DLGAP2: variants seen among roughly 807,000 people sequenced by gnomAD.
DLGAP2 encodes the protein DLG associated protein 2, also known as disks large-associated protein 2.
In DLGAP2, 26 loss-of-function variants were observed where a neutral mutation model predicts 100.3. That is an observed-to-expected ratio of 0.26 (90% CI 0.19 to 0.36). The LOEUF is 0.36. Among genes scored for constraint, DLGAP2 ranks in the 10% least tolerant of loss-of-function variants. DLGAP2 has a pLI of 1.00. For synonymous variants in DLGAP2, 886 were observed against 630.1 expected, an observed-to-expected ratio of 1.41 and a Z score of -6.08; for missense variants, 1,858 against 1,453.2, an observed-to-expected ratio of 1.28 and a Z score of -4.53.
rs139358313 is a variant in DLGAP2, at chr8:1,277,169, G to C, written c.106+18286G>C. Reference sequence around the variant, plus strand: ...AGAATCTAGAAATCTCAGAAATATAGTGTTTCATTCAAAGTGTGGCTATTT... The same window carrying C: ...AGAATCTAGAAATCTCAGAAATATACTGTTTCATTCAAAGTGTGGCTATTT... On this transcript the variant is annotated intron_variant, in intron 3 of 14. Transcript: ENST00000637795. 1.6e-4 allele frequency among the ~76,000 whole-genome samples: 24 copies of C among 152,278 alleles called. 1 individual carries two copies. The East Asian group carries it at 4.4e-3, about 28-fold the overall frequency.
At chr8:818,297 A>C (rs895985290) in intron 1 of DLGAP2, among the ~76,000 whole-genome samples, 3 of 152,174 alleles carry the variant, frequency 2.0e-5, no homozygotes, top group Non-Finnish European at 4.4e-5. Flanking sequence ...TGTCAGTGAC[A>C]GACCTCACCC....
chr8:1,305,494 G>A (rs1193927063), intron 3 of DLGAP2, among the ~76,000 whole-genome samples: 1 of 152,162 alleles, frequency 6.6e-6, no homozygotes, highest in Admixed American at 6.5e-5. Context: ...ATACATTTGT[G>A]TGTCTTTCTG....
chr8:848,339 CCAGTATAGGAACGTGCGGTGCCT>C, intron 1 of DLGAP2, among the ~76,000 whole-genome samples: 1 of 147,920 alleles, frequency 6.8e-6, no homozygotes, highest in Non-Finnish European at 1.5e-5. Context: ...GGTGCGTGTT[CCAGTATAGGAACGTGCGGTGCCT>C]GTTCCAGTGT....
chr8:1,327,470 G>T (rs569993955), intron 3 of DLGAP2, among the ~76,000 whole-genome samples: 1 of 152,292 alleles, frequency 6.6e-6, no homozygotes, highest in Admixed American at 6.5e-5. Flanking sequence ...TTTAGTTATT[G>T]CTTGCTATAG....
intron 12 of DLGAP2, among the ~76,000 whole-genome samples, chr8:1,682,945 C>T (rs1279669948): frequency 2.6e-5 from 4 of 151,436 alleles, no homozygotes; most frequent in Admixed American, 6.6e-5. Context: ...TTGTTTTTTA[C>T]CTTTTTTGAG....
intron 2 of DLGAP2, among the ~76,000 whole-genome samples, chr8:1,181,342 T>G (rs556617922): frequency 1.3e-5 from 2 of 152,362 alleles, no homozygotes; most frequent in African/African-American, 4.8e-5. Context: ...GTGCACTGTT[T>G]GATCTTTAAC....
chr8:1,325,837 G>T (rs1216099538), intron 3 of DLGAP2, among the ~76,000 whole-genome samples: 2 of 152,184 alleles, frequency 1.3e-5, no homozygotes, highest in African/African-American at 2.4e-5. Context: ...TTTTTTGCAA[G>T]GACCGTCCAT....
chr8:936,262 A>G (rs1171715268), intron 2 of DLGAP2, among the ~76,000 whole-genome samples: 1 of 152,156 alleles, frequency 6.6e-6, no homozygotes. Context: ...CCATCAAGAA[A>G]GAGAAGGGGA....
At chr8:1,412,981 C>G (rs142555860) in intron 3 of DLGAP2, among the ~76,000 whole-genome samples, 55 of 152,204 alleles carry the variant, frequency 3.6e-4, no homozygotes, top group Middle Eastern at 3.4e-3. Context: ...AACAGACTTG[C>G]CCTTCCTGAC....
chr8:1,513,893 C>T (rs1399109867), intron 4 of DLGAP2, among the ~76,000 whole-genome samples: 1 of 152,344 alleles, frequency 6.6e-6, no homozygotes, highest in East Asian at 1.9e-4. Flanking sequence ...CCTTCCTTCC[C>T]TCCTTCATTC....
At chr8:964,209 G>A (rs1202289397) in intron 2 of DLGAP2, among the ~76,000 whole-genome samples, 1 of 152,056 alleles carries the variant, frequency 6.6e-6, no homozygotes, top group African/African-American at 2.4e-5. Context: ...ACGTCTTCAG[G>A]GATTCACCTT....
chr8:1,177,002 G>C (rs889705358), intron 2 of DLGAP2, among the ~76,000 whole-genome samples: 3 of 152,162 alleles, frequency 2.0e-5, no homozygotes, highest in Non-Finnish European at 2.9e-5. Flanking sequence ...CTGGAAACTG[G>C]GAAAAGTCAG....
At chr8:871,895 G>T (rs62486398) in intron 1 of DLGAP2, among the ~76,000 whole-genome samples, 2 of 152,078 alleles carry the variant, frequency 1.3e-5, no homozygotes, top group African/African-American at 2.4e-5. Flanking sequence ...TTCTTTCAAG[G>T]TCTTCATCCC....
intron 2 of DLGAP2, among the ~76,000 whole-genome samples, chr8:1,149,736 G>T (rs547027460): frequency 1.1e-4 from 16 of 152,012 alleles, no homozygotes; most frequent in Admixed American, 3.3e-4. Context: ...TATATTCTTT[G>T]TTCTCCCTTT....
At chr8:789,214 A>G (rs1483415134) in intron 1 of DLGAP2, among the ~76,000 whole-genome samples, 1 of 152,210 alleles carries the variant, frequency 6.6e-6, no homozygotes, top group African/African-American at 2.4e-5. Context: ...GAAACTGGGC[A>G]ATTTATGAAG....
At chr8:1,301,818 C>T (rs570724496) in intron 3 of DLGAP2, 1 of 152,508 alleles carries the variant, frequency 6.6e-6, no homozygotes, top group South Asian at 2.1e-4. Flanking sequence ...TCCATTTCCT[C>T]ATGCCTCCAG....
intron 2 of DLGAP2, among the ~76,000 whole-genome samples, chr8:1,125,091 C>A (rs539858617): frequency 6.6e-6 from 1 of 152,214 alleles, no homozygotes; most frequent in African/African-American, 2.4e-5. Flanking sequence ...TTCCATAAGA[C>A]CTCTGCCTTC....
intron 3 of DLGAP2, among the ~76,000 whole-genome samples, chr8:1,313,578 C>T (rs1456863727): frequency 6.6e-6 from 1 of 152,168 alleles, no homozygotes; most frequent in East Asian, 1.9e-4. Context: ...TCCTGTGGAA[C>T]ACCATAACAC....
At chr8:829,011 C>G (rs1796733653) in intron 1 of DLGAP2, among the ~76,000 whole-genome samples, 2 of 152,134 alleles carry the variant, frequency 1.3e-5, no homozygotes, top group Non-Finnish European at 2.9e-5. Context: ...GGAATGGCTT[C>G]TAATTTTTTA....
Sources: gnomAD v4.1 joint callset for allele counts (sites outside exome capture counted in the v4.1 genomes callset) on GRCh38, gnomAD v4.1.1 for gene constraint, MANE v1.5 for transcripts, NCBI Gene and HGNC (gene_info 2026-07-23, HGNC 2026-07-21) for gene names.